Variants in SEPTIN11 observed in about 807,000 individuals in gnomAD.
The protein encoded by SEPTIN11 is septin-11.
A neutral mutation model predicts 51.4 loss-of-function variants in SEPTIN11; 25 were observed. The ratio of observed to expected loss-of-function variants is 0.49; its 90% CI spans 0.35 to 0.68. The LOEUF (loss-of-function observed/expected upper bound fraction) is 0.68. SEPTIN11 is among the 30% of genes least tolerant of loss of function. The pLI is 0.00. For synonymous variants in SEPTIN11, 174 were observed against 184.1 expected (o/e 0.95, Z 0.44); for missense variants, 381 against 520.8 (o/e 0.73, Z 2.61).
chr4:76,993,973 T>G (rs1398320020), intron 1 of SEPTIN11, among the ~76,000 whole-genome samples: 1 of 152,126 alleles, frequency 6.6e-6, no homozygotes, highest in African/African-American at 2.4e-5. Context: ...AATTACTAAC[T>G]CTGATTCTTT....
Position 77,033,153 on chromosome 4 carries a change from G to A in SEPTIN11, c.1275-1344G>A, listed in dbSNP as rs533734758. The stretch of plus-strand genomic sequence containing the variant: ...GCAACTGCCAGTGGAGGCCTGAAAT[G>A]TCCAAGAAAAAAAAAAATCACACCT... On this transcript the variant is annotated intron_variant, in intron 9 of 9. Coordinates refer to ENST00000264893, the MANE Select transcript of SEPTIN11 (RefSeq NM_018243.4). 2.0e-5 allele frequency among the ~76,000 whole-genome samples: 3 copies of A among 146,960 alleles called. No individual in the cohort carries two copies. In the East Asian group the frequency reaches 5.9e-4, roughly 29 times the overall value.
chr4:76,991,389 T>C (rs1723367187), intron 1 of SEPTIN11, among the ~76,000 whole-genome samples: 1 of 152,228 alleles, frequency 6.6e-6, no homozygotes, highest in Admixed American at 6.5e-5. Context: ...GCTGCCCTTC[T>C]CTGGTGAAGC....
chr4:76,969,648 T>C (rs1722163824), intron 1 of SEPTIN11, among the ~76,000 whole-genome samples: 1 of 151,958 alleles, frequency 6.6e-6, no homozygotes, highest in Admixed American at 6.6e-5. Context: ...TCGATAGGAG[T>C]AGGGTAAACT....
Position 77,038,018 on chromosome 4 carries a change from T to G in SEPTIN11, c.*3506T>G. ...AAACTATTGGGTGAGGTTTTTCAGC[T>G]GTTACCGACCCACGTCCTGCTGTCT... On this transcript the variant is annotated 3_prime_UTR_variant, in exon 10 of 10. Transcript: ENST00000264893. 1.0e-6 allele frequency: 1 copy of G among 985,874 alleles called. No homozygotes were observed. The highest frequency in any genetic ancestry group is 1.2e-6 in the Non-Finnish European group (1 of 829,942). 61.1% of individuals were successfully genotyped at this position (985,874 alleles called of 1,614,324 possible).
At chr4:76,998,446 C>T (rs940849298) in intron 2 of SEPTIN11, among the ~76,000 whole-genome samples, 6 of 152,088 alleles carry the variant, frequency 3.9e-5, no homozygotes, top group South Asian at 2.1e-4. Context: ...AGGGAGAGTG[C>T]GCGCCTTTTC....
chr4:77,021,043 A>G, intron 7 of SEPTIN11: 1 of 169,140 alleles, frequency 5.9e-6, no homozygotes. Context: ...TATATTTACA[A>G]AGGTGCGGCT....
chr4:77,037,631 T>G lies in SEPTIN11; in HGVS notation c.*3119T>G, dbSNP rs1267168772. 2 of 985,492 alleles carry G rather than the reference T, an allele frequency of 2.0e-6. No individual in the cohort carries two copies. Among genetic ancestry groups the G allele is most frequent in the Non-Finnish European group, 1.2e-6 (1 of 829,944 alleles). 61.0% of individuals were successfully genotyped at this position (985,492 alleles called of 1,614,324 possible). ...TTGGGGATTGAGGGGCCTACATAAC[T>G]AGCTGGCCTTACCCCATATCTTTTG... On this transcript the variant is annotated 3_prime_UTR_variant, in exon 10 of 10. Transcript: ENST00000264893.
Position 77,037,932 on chromosome 4 carries a change from C to T in SEPTIN11, c.*3420C>T. On this transcript the variant is annotated 3_prime_UTR_variant, in exon 10 of 10. Transcript: ENST00000264893. Reference sequence around the variant, plus strand: ...ACACACACAATCCACATCTTGTGCACCTCAAATGAACAGACTTGGTTTCCT... The same window carrying T: ...ACACACACAATCCACATCTTGTGCATCTCAAATGAACAGACTTGGTTTCCT... The T allele has an allele frequency of 1.0e-6, 1 of 985,934 alleles. No homozygotes were observed. The highest frequency in any genetic ancestry group is 1.2e-6 in the Non-Finnish European group (1 of 829,958). The allele number at this position is 985,934 out of a possible 1,614,324, so 61.1% of individuals were successfully genotyped here.
Position 76,996,490 on chromosome 4 carries a change from G to A in SEPTIN11, c.93G>A (p.Leu31=). ...GATTTGACAGCCTCCCTGACCAGCT[G>A]GTCAACAAGTCTACTTCTCAAGGAT... The part of the protein sequence containing the change: ...HVGFDSLPDQ[L]VNKSTSQGFC... Residue 31 remains leucine, a synonymous_variant, in exon 2 of 10, where the codon CTG becomes CTA. Coordinates refer to ENST00000264893, the MANE Select transcript of SEPTIN11 (RefSeq NM_018243.4). 6.2e-7 allele frequency: 1 copy of A among 1,614,040 alleles called. No individual in the cohort carries two copies. Among genetic ancestry groups the A allele is most frequent in the Non-Finnish European group, 8.5e-7 (1 of 1,179,932 alleles).
chr4:76,988,501 T>G (rs1311006059), intron 1 of SEPTIN11, among the ~76,000 whole-genome samples: 1 of 152,340 alleles, frequency 6.6e-6, no homozygotes, highest in African/African-American at 2.4e-5. Flanking sequence ...ATTTCCTAGG[T>G]TTTTTGTTTG....
intron 3 of SEPTIN11, among the ~76,000 whole-genome samples, chr4:77,010,708 G>T (rs540472159): frequency 6.6e-6 from 1 of 152,236 alleles, no homozygotes; most frequent in African/African-American, 2.4e-5. Context: ...TATGGGATTT[G>T]GGTGTTGAAA....
chr4:76,977,389 A>C (rs145901876), intron 1 of SEPTIN11, among the ~76,000 whole-genome samples: 1 of 152,198 alleles, frequency 6.6e-6, no homozygotes, highest in Non-Finnish European at 1.5e-5. Flanking sequence ...GTGCATGTAA[A>C]GGAATGTGAG....
At chr4:76,968,398 C>T in intron 1 of SEPTIN11, among the ~76,000 whole-genome samples, 1 of 152,050 alleles carries the variant, frequency 6.6e-6, no homozygotes, top group East Asian at 1.9e-4. Flanking sequence ...TTAATCCTTC[C>T]CTCTACAGCT....
rs139692176 is a variant in SEPTIN11, at chr4:77,022,432, A to AT, written c.953+1769dup. On this transcript the variant is annotated intron_variant, in intron 7 of 9. Coordinates refer to ENST00000264893, the MANE Select transcript of SEPTIN11 (RefSeq NM_018243.4). Reference sequence around the variant, plus strand: ...GAATAATTAGATCCAGTAAAAAAAAATTTTTTTCCATACTGGGTTAGACAG... The same window carrying AT: ...GAATAATTAGATCCAGTAAAAAAAAATTTTTTTTCCATACTGGGTTAGACAG... Among the ~76,000 whole-genome samples, 816 of 152,172 alleles carry AT rather than the reference A, an allele frequency of 5.4e-3. 8 individuals are homozygous for AT. The highest frequency in any genetic ancestry group is 7.0e-3 in the Non-Finnish European group (475 of 68,006).
chr4:77,016,262 T>C (rs760056145), intron 5 of SEPTIN11, among the ~76,000 whole-genome samples: 3 of 151,774 alleles, frequency 2.0e-5, no homozygotes, highest in African/African-American at 4.8e-5. Flanking sequence ...CCCTCATATA[T>C]GAGGAGACTG....
rs566275741 is a variant in SEPTIN11 at position 77,004,688 on chromosome 4, C to T, written c.143-913C>T. Among the ~76,000 whole-genome samples the T allele has an allele frequency of 2.6e-5, 4 of 152,260 alleles. No individual in the cohort carries two copies. The East Asian group carries it at 5.8e-4, about 22-fold the overall frequency. On this transcript the variant is annotated intron_variant, in intron 2 of 9. Coordinates refer to ENST00000264893, the MANE Select transcript of SEPTIN11 (RefSeq NM_018243.4). Reference sequence around the variant, plus strand: ...GTTTAAATGAGATAATGTAGCCGGGCGTGGTGGCTCATGCCTGTAATCCCA... The same window carrying T: ...GTTTAAATGAGATAATGTAGCCGGGTGTGGTGGCTCATGCCTGTAATCCCA...
chr4:76,980,666 G>A (rs1029329631), intron 1 of SEPTIN11, among the ~76,000 whole-genome samples: 2 of 152,218 alleles, frequency 1.3e-5, no homozygotes, highest in African/African-American at 4.8e-5. Flanking sequence ...AAATGGGAAA[G>A]TAGTTCTTGT....
chr4:77,021,540 G>A (rs1469570810), intron 7 of SEPTIN11: 1 of 153,138 alleles, frequency 6.5e-6, no homozygotes, highest in Non-Finnish European at 1.5e-5. Context: ...CTCCCAAAGT[G>A]CTGGGATTAC....
intron 1 of SEPTIN11, among the ~76,000 whole-genome samples, chr4:76,996,131 A>G (rs534996908): frequency 3.8e-4 from 58 of 152,312 alleles, no homozygotes; most frequent in African/African-American, 1.3e-3. Context: ...CACTTAATGC[A>G]TATCTGAAAT....
Sources: gnomAD v4.1 joint callset for allele counts (sites outside exome capture counted in the v4.1 genomes callset) on GRCh38, gnomAD v4.1.1 for gene constraint, MANE v1.5 for transcripts, NCBI Gene and HGNC (gene_info 2026-07-23, HGNC 2026-07-21) for gene names.